NT5DC2: variants seen among roughly 807,000 people sequenced by gnomAD.
The protein encoded by NT5DC2 is 5'-nucleotidase domain containing 2.
Under a neutral mutation model 70.0 loss-of-function variants are expected in NT5DC2, and 41 were observed. That is an observed-to-expected ratio of 0.59 (90% CI 0.46 to 0.76). The LOEUF is 0.76. NT5DC2 is among the 30% of genes least tolerant of loss of function. NT5DC2 has a pLI of 0.00. For synonymous variants in NT5DC2, 299 were observed against 310.4 expected (o/e 0.96, Z 0.39); for missense variants, 705 against 783.2 (o/e 0.90, Z 1.19).
At position 52,528,852 on chromosome 3, in the gene NT5DC2, G is replaced by A. The variant is rs1559739269; in HGVS notation, c.492+9C>T. ...AGGAGGGAGCCCCTATACAGGTCCA[G>A]CCACTCACCTTCTGAATGTCATAGT... On this transcript the variant is annotated intron_variant, in intron 3 of 13. Coordinates refer to ENST00000422318, the MANE Select transcript of NT5DC2 (RefSeq NM_001134231.2). The A allele has an allele frequency of 3.1e-6, 5 of 1,613,566 alleles. No individual in the cohort carries two copies. Among genetic ancestry groups the A allele is most frequent in the Admixed American group, 3.3e-5 (2 of 60,004 alleles).
chr3:52,534,836 GATTGAAGA>G (rs1376829964), upstream of NT5DC2: 190 of 685,892 alleles, frequency 2.8e-4, no homozygotes, highest in Non-Finnish European at 3.8e-4. Context: ...ACTGAACCTT[GATTGAAGA>G]CCTACAGTGT....
chr3:52,528,370 A>G, intron 5 of NT5DC2, 59 bp from the exon 6 acceptor site: 1 of 1,613,238 alleles, frequency 6.2e-7, no homozygotes, highest in Non-Finnish European at 8.5e-7. Flanking sequence ...TCAGTGCTGG[A>G]GACGAGGGCC....
At chr3:52,528,784 C>G (rs2079318975) in intron 3 of NT5DC2, 77 bp downstream of exon 3, 1 of 1,600,146 alleles carries the variant, frequency 6.2e-7, no homozygotes, top group East Asian at 2.2e-5. Flanking sequence ...AGAACCCCAG[C>G]TGGATGGGAC....
intron 8 of NT5DC2, 53 bp downstream of exon 8, chr3:52,527,776 C>T (rs1341359388): frequency 1.9e-6 from 3 of 1,609,816 alleles, no homozygotes; most frequent in South Asian, 2.2e-5. Context: ...GCCTGCCCTC[C>T]CCACCCAGAG....
chr3:52,527,212 C>T, intron 10 of NT5DC2, 82 bp downstream of exon 10: 1 of 1,325,670 alleles, frequency 7.5e-7, no homozygotes, highest in Non-Finnish European at 1.1e-6. Context: ...GCTGCTTCTT[C>T]AGAGGCTGCC....
rs1398587180 is a variant in NT5DC2 at position 52,525,115 on chromosome 3, G to C, written c.1207-12C>G. On this transcript the variant is annotated splice_polypyrimidine_tract_variant and intron_variant, in intron 11 of 13. Transcript: ENST00000422318. ...CGCAGCATGAGATCCTGGTGGGTGGGGCGGCAGAACTGGGCTCAGCGCCAG... is the reference window on the plus strand; with the variant it reads ...CGCAGCATGAGATCCTGGTGGGTGGCGCGGCAGAACTGGGCTCAGCGCCAG... 1 of 1,572,694 alleles carries C rather than the reference G, an allele frequency of 6.4e-7. No homozygotes were observed. The highest frequency in any genetic ancestry group is 1.4e-5 in the African/African-American group (1 of 73,946).
rs1439811738 is a variant in NT5DC2, at chr3:52,531,041, C to A, written c.233-1707G>T. 1.3e-5 allele frequency among the ~76,000 whole-genome samples: 2 copies of A among 152,224 alleles called. No individual in the cohort carries two copies. Among genetic ancestry groups the A allele is most frequent in the South Asian group, 2.1e-4 (1 of 4,836 alleles). On this transcript the variant is annotated intron_variant, in intron 1 of 13. Coordinates refer to ENST00000422318, the MANE Select transcript of NT5DC2 (RefSeq NM_001134231.2). The surrounding 1 kb of genome is among the most constrained non-coding windows in gnomAD (Gnocchi z 4.1). ...CTGCCAGGCCAGAGGGCCAGGGAAG[C>A]CCCACAGTGTGCCTGGCAGCTGCTG...
chr3:52,528,414 T>TG lies in NT5DC2; in HGVS notation c.642+31dup. Reference sequence around the variant, plus strand: ...GCCTTGGGACATGGGCACATGTCCATGGGGCAGGCTGGCTGCTGGGGTATG... The same window carrying TG: ...GCCTTGGGACATGGGCACATGTCCATGGGGGCAGGCTGGCTGCTGGGGTATG... On this transcript the variant is annotated intron_variant, in intron 5 of 13. Transcript: ENST00000422318. 3 of 1,612,640 alleles carry TG rather than the reference T, an allele frequency of 1.9e-6. No homozygotes were observed. In the African/African-American group the frequency reaches 4.0e-5, roughly 21 times the overall value.
chr3:52,528,343 T>C, intron 5 of NT5DC2, 32 bp from the exon 6 acceptor site: 1 of 1,613,122 alleles, frequency 6.2e-7, no homozygotes, highest in East Asian at 2.2e-5. Context: ...CAGACACCCT[T>C]TGGGACCCCA....
At position 52,528,695 on chromosome 3, in the gene NT5DC2, G is replaced by A. The variant is rs2079317338; in HGVS notation, c.493-3C>T. 6.2e-7 allele frequency: 1 copy of A among 1,601,138 alleles called. No individual in the cohort carries two copies. Among genetic ancestry groups the A allele is most frequent in the Admixed American group, 1.7e-5 (1 of 57,946 alleles). ...GCGTCAATCTTCATCAGAAGGCTCT[G>A]GGGGCGCCAGGGAGGCAGGACGGAT... is the stretch of plus-strand genomic sequence containing the variant. On this transcript the variant is annotated splice_region_variant and splice_polypyrimidine_tract_variant and intron_variant, in intron 3 of 13. Coordinates refer to ENST00000422318, the MANE Select transcript of NT5DC2 (RefSeq NM_001134231.2).
chr3:52,533,067 C>A (rs1014003667), intron 1 of NT5DC2, among the ~76,000 whole-genome samples: 1 of 152,202 alleles, frequency 6.6e-6, no homozygotes, highest in Non-Finnish European at 1.5e-5. Flanking sequence ...AACCGGTGTC[C>A]CCTTTGGTCC....
At position 52,528,294 on chromosome 3, in the gene NT5DC2, C is replaced by T. The variant is rs773483301; in HGVS notation, c.660G>A (p.Gln220=). The T allele has an allele frequency of 6.2e-7, 1 of 1,613,366 alleles. No homozygotes were observed. The highest frequency in any genetic ancestry group is 8.5e-7 in the Non-Finnish European group (1 of 1,180,020). Residue 220 remains glutamine, a synonymous_variant, in exon 6 of 14, where the codon CAG becomes CAA. Transcript: ENST00000422318. ...CCGGTAGCGAGAAGATGTCCATGAA[C>T]TGCTTAATGGAGGGACCCTGGGGAG... The part of the protein sequence containing the change: ...GFYGKGPSIK[Q]FMDIFSLPEM...
rs760879227 is a variant in NT5DC2 at position 52,529,377 on chromosome 3, T to C, written c.233-43A>G. ...AGGGAGGCAGTGATGGGGATGATGA[T>C]CCCTGCAGCAGCTATGGCTCCTGAG... On this transcript the variant is annotated intron_variant, in intron 1 of 13. Coordinates refer to ENST00000422318, the MANE Select transcript of NT5DC2 (RefSeq NM_001134231.2). This position sits in a 1 kb window ranked among gnomAD's most constrained non-coding sequence, Gnocchi z 4.1. 2 of 1,589,164 alleles carry C rather than the reference T, an allele frequency of 1.3e-6. No homozygotes were observed. The highest frequency in any genetic ancestry group is 1.7e-5 in the Admixed American group (1 of 58,432).
chr3:52,525,113 G>GA lies in NT5DC2; in HGVS notation c.1207-11_1207-10insT, dbSNP rs2079232379. 6.4e-7 allele frequency: 1 copy of GA among 1,573,512 alleles called. No homozygotes were observed. Among genetic ancestry groups the GA allele is most frequent in the Non-Finnish European group, 8.6e-7 (1 of 1,159,734 alleles). ...GCCGCAGCATGAGATCCTGGTGGGT[G>GA]GGGCGGCAGAACTGGGCTCAGCGCC... is the stretch of plus-strand genomic sequence containing the variant. On this transcript the variant is annotated splice_polypyrimidine_tract_variant and intron_variant, in intron 11 of 13. Coordinates refer to ENST00000422318, the MANE Select transcript of NT5DC2 (RefSeq NM_001134231.2).
At position 52,533,794 on chromosome 3, in the gene NT5DC2, C is replaced by G; in HGVS notation, c.-57G>C. The stretch of plus-strand genomic sequence containing the variant: ...CCCTCGGCCAGCCCGCCGCCCGCCG[C>G]CCGCCGCCCTCCGACTGCGCGCCCG... On this transcript the variant is annotated 5_prime_UTR_variant, in exon 1 of 14. Coordinates refer to ENST00000422318, the MANE Select transcript of NT5DC2 (RefSeq NM_001134231.2). 9 of 976,828 alleles carry G rather than the reference C, an allele frequency of 9.2e-6. No individual in the cohort carries two copies. Among genetic ancestry groups the G allele is most frequent in the Non-Finnish European group, 1.1e-5 (9 of 825,120 alleles). The allele number at this position is 976,828 out of a possible 1,614,324, so 60.5% of individuals were successfully genotyped here.
chr3:52,529,118 G>A lies in NT5DC2; in HGVS notation c.417+32C>T. 1 of 1,613,222 alleles carries A rather than the reference G, an allele frequency of 6.2e-7. No homozygotes were observed. Among genetic ancestry groups the A allele is most frequent in the Non-Finnish European group, 8.5e-7 (1 of 1,179,316 alleles). On this transcript the variant is annotated intron_variant, in intron 2 of 13. Transcript: ENST00000422318. The surrounding 1 kb of genome is among the most constrained non-coding windows in gnomAD (Gnocchi z 4.1). Reference sequence around the variant, plus strand: ...TGGGTCTGGCCAGCCTCCAAGCCCTGGGTTTGTTGGTGGCAAGGACCCCCG... The same window carrying A: ...TGGGTCTGGCCAGCCTCCAAGCCCTAGGTTTGTTGGTGGCAAGGACCCCCG...
Position 52,525,140 on chromosome 3 carries a change from G to A in NT5DC2, c.1207-37C>T, listed in dbSNP as rs764273281. The A allele has an allele frequency of 3.7e-6, 3 of 820,366 alleles. No homozygotes were observed. The African/African-American group carries it at 8.8e-5, about 24-fold the overall frequency. 50.8% of individuals were successfully genotyped at this position (820,366 alleles called of 1,614,324 possible). ...GGCGGCAGAACTGGGCTCAGCGCCAGTTGCTGGGGGCGGGGGGGGGGGGGT... is the reference window on the plus strand; with the variant it reads ...GGCGGCAGAACTGGGCTCAGCGCCAATTGCTGGGGGCGGGGGGGGGGGGGT... On this transcript the variant is annotated intron_variant, in intron 11 of 13. Coordinates refer to ENST00000422318, the MANE Select transcript of NT5DC2 (RefSeq NM_001134231.2).
In NT5DC2 at chr3:52,533,580, T is replaced by A. The variant is rs914668944; in HGVS notation, c.158A>T (p.Gln53Leu). 18 of 1,301,104 alleles carry A rather than the reference T, an allele frequency of 1.4e-5. No homozygotes were observed. Among genetic ancestry groups the A allele is most frequent in the Non-Finnish European group, 1.7e-5 (17 of 1,025,240 alleles). 80.6% of individuals were successfully genotyped at this position (1,301,104 alleles called of 1,614,324 possible). ...GAGGTCGGCGCCGCTGGTGGGTGCC[T>A]GGGCGGGCGCGGAGCGCGGGACGCC... ...CPGVPRSAPA[Q>L]APTSGADLSA... is the part of the protein sequence containing the mutation. Residue 53 changes from glutamine (Q) to leucine (L), a missense_variant, in exon 1 of 14, where the codon CAG (glutamine) becomes CTG (leucine). By Grantham distance (113) the Gln-to-Leu change is moderately radical. Transcript: ENST00000422318.
At chr3:52,530,587 C>T (rs556897621) in intron 1 of NT5DC2, among the ~76,000 whole-genome samples, 5 of 152,228 alleles carry the variant, frequency 3.3e-5, no homozygotes, top group South Asian at 4.1e-4. Flanking sequence ...TGGTGGCACA[C>T]ACCTACAGTC....
Sources: gnomAD v4.1 joint callset for allele counts (sites outside exome capture counted in the v4.1 genomes callset) on GRCh38, gnomAD v4.1.1 for gene constraint, Gnocchi (gnomAD v3.1) non-coding constraint, MANE v1.5 for transcripts, NCBI Gene and HGNC (gene_info 2026-07-23, HGNC 2026-07-21) for gene names.